The following PPWD1 variants were observed in gnomAD, a reference collection of about 807,000 sequenced individuals.
PPWD1 encodes the protein peptidylprolyl isomerase domain and WD repeat containing 1, also known as peptidylprolyl isomerase domain and WD repeat-containing protein 1.
Under a neutral mutation model 68.8 loss-of-function variants are expected in PPWD1, and 43 were observed. That is an observed-to-expected ratio of 0.62 (90% CI 0.49 to 0.81). PPWD1 has a LOEUF of 0.81. Ranked by LOEUF, PPWD1 falls within the 30% of genes least tolerant of loss-of-function variation. PPWD1 has a pLI of 0.00. For synonymous variants in PPWD1, 232 were observed against 258.7 expected (o/e 0.90, Z 0.99); for missense variants, 672 against 804.8 (o/e 0.83, Z 2.00).
At chr5:65,565,526 G>A (rs999214691) in intron 1 of PPWD1, among the ~76,000 whole-genome samples, 6 of 152,104 alleles carry the variant, frequency 3.9e-5, no homozygotes, top group African/African-American at 1.4e-4. Context: ...ATAGTTGGCC[G>A]GGTGTGGTGG....
At position 65,563,317 on chromosome 5, in the gene PPWD1, G is replaced by C; in HGVS notation, c.7G>C (p.Ala3Pro). The change falls in exon 1 of 11, where the codon GCG becomes CCG. Residue 3 changes from alanine (A) to proline (P), a missense_variant. Ala to Pro is a conservative substitution (Grantham distance 27). Coordinates refer to ENST00000261308, the MANE Select transcript of PPWD1 (RefSeq NM_015342.4). The part of the protein sequence containing the change: MA[A>P]ESGSDFQQRR... ...TTCTGACGATGCGAACAACATGGCG[G>C]CGGAAAGTGGTAGCGATTTTCAGCA... 1.2e-6 allele frequency: 2 copies of C among 1,612,912 alleles called. No homozygotes were observed. The highest frequency in any genetic ancestry group is 8.5e-7 in the Non-Finnish European group (1 of 1,179,488).
chr5:65,586,933 C>T (rs866283633), intron 10 of PPWD1, among the ~76,000 whole-genome samples: 1 of 152,100 alleles, frequency 6.6e-6, no homozygotes, highest in Non-Finnish European at 1.5e-5. Context: ...AAGAGTCCTC[C>T]AGAGACCTTT....
intron 7 of PPWD1, 141 bp from the exon 8 acceptor site, chr5:65,582,897 T>C: frequency 3.5e-6 from 4 of 1,139,508 alleles, no homozygotes; most frequent in South Asian, 4.1e-5. Context: ...ACATCCTGTA[T>C]GGGAAGTGAT....
rs1752835956 is a variant in PPWD1, at chr5:65,567,615, A to G, written c.299A>G (p.Lys100Arg). ...RDVITHVVCT[K>R]TDFIITASHD... Reference sequence around the variant, plus strand: ...GTTATCACCCATGTGGTATGCACCAAGTAAGTCTATCACATCTTTTTTACT... The same window carrying G: ...GTTATCACCCATGTGGTATGCACCAGGTAAGTCTATCACATCTTTTTTACT... The change falls in exon 2 of 11, where the codon AAA becomes AGA. Residue 100 changes from lysine (K) to arginine (R), a missense_variant and splice_region_variant. Coordinates refer to ENST00000261308, the MANE Select transcript of PPWD1 (RefSeq NM_015342.4). 1 of 1,586,192 alleles carries G rather than the reference A, an allele frequency of 6.3e-7. No homozygotes were observed. The highest frequency in any genetic ancestry group is 8.6e-7 in the Non-Finnish European group (1 of 1,165,590).
chr5:65,573,246 T>C (rs1330209405), intron 5 of PPWD1, among the ~76,000 whole-genome samples: 1 of 151,876 alleles, frequency 6.6e-6, no homozygotes, highest in East Asian at 1.9e-4. Flanking sequence ...TCACTTCCCC[T>C]GGAAGGCTTT....
chr5:65,573,458 AAT>A (rs1241209299), intron 5 of PPWD1, among the ~76,000 whole-genome samples: 2 of 75,580 alleles, frequency 2.6e-5, no homozygotes, highest in Admixed American at 1.2e-4. Context: ...ACACTTAGCT[AAT>A]ATATATATAT....
rs376582408 is a variant in PPWD1 at position 65,572,148 on chromosome 5, C to G, written c.831C>G (p.Ala277=). 8 of 1,613,974 alleles carry G rather than the reference C, an allele frequency of 5.0e-6. No individual in the cohort carries two copies. The African/African-American group carries it at 9.3e-5, about 19-fold the overall frequency. The change falls in exon 5 of 11, where the codon GCC becomes GCG. Residue 277 remains alanine (A), a synonymous_variant. Transcript: ENST00000261308. The stretch of plus-strand genomic sequence containing the variant: ...CTGACACTGATTTATATGAATTTGC[C>G]AAGTGTAAGGCTTATCCAACCAGCG... ...YKTDTDLYEF[A]KCKAYPTSVC...
intron 5 of PPWD1, among the ~76,000 whole-genome samples, chr5:65,574,748 C>T (rs1753207060): frequency 6.6e-6 from 1 of 152,174 alleles, no homozygotes; most frequent in South Asian, 2.1e-4. Flanking sequence ...CAGGCGTGAG[C>T]CACCGCGCCC....
At position 65,567,597 on chromosome 5, in the gene PPWD1, C is replaced by G; in HGVS notation, c.281C>G (p.Thr94Ser). The change falls in exon 2 of 11, where the codon ACC (threonine) becomes AGC (serine). Residue 94 changes from threonine (T) to serine (S), a missense_variant. By Grantham distance (58) the Thr-to-Ser change is moderately conservative (BLOSUM62 1). Transcript: ENST00000261308. ...ERSYMHRDVI[T>S]HVVCTKTDFI... Reference sequence around the variant, plus strand: ...AGTTACATGCATAGAGATGTTATCACCCATGTGGTATGCACCAAGTAAGTC... The same window carrying G: ...AGTTACATGCATAGAGATGTTATCAGCCATGTGGTATGCACCAAGTAAGTC... The G allele has an allele frequency of 6.2e-7, 1 of 1,609,750 alleles. No individual in the cohort carries two copies. The highest frequency in any genetic ancestry group is 1.3e-5 in the African/African-American group (1 of 74,784).
At chr5:65,584,956 G>T (rs1231822613) in intron 8 of PPWD1, 58 bp from the exon 9 acceptor site, 3 of 1,568,350 alleles carry the variant, frequency 1.9e-6, no homozygotes, top group African/African-American at 1.4e-5. Context: ...GAACTGCAAA[G>T]AAAACTGTTT....
chr5:65,580,042 T>G (rs1443225429), intron 7 of PPWD1, among the ~76,000 whole-genome samples: 2 of 152,240 alleles, frequency 1.3e-5, no homozygotes, highest in Non-Finnish European at 2.9e-5. Context: ...ATTTTAATGG[T>G]GCTACCTTGG....
Position 65,563,468 on chromosome 5 carries a change from C to T in PPWD1, c.158C>T (p.Pro53Leu). ...DEENEERWVG[P>L]LPVEATLAKK... ...GAGAACGAAGAGCGCTGGGTTGGAC[C>T]TTTACCTGTGGAGGCAACACTGGCC... Residue 53 changes from proline (P) to leucine (L), a missense_variant, in exon 1 of 11, where the codon CCT (proline) becomes CTT (leucine). By Grantham distance (98) the Pro-to-Leu change is moderately conservative (BLOSUM62 -3). Around this residue, in one of 2 missense-constraint regions of PPWD1, gnomAD observed 188 missense variants for 158.6 expected, o/e 1.19. Coordinates refer to ENST00000261308, the MANE Select transcript of PPWD1 (RefSeq NM_015342.4). 1.9e-6 allele frequency: 3 copies of T among 1,613,972 alleles called. No homozygotes were observed. Among genetic ancestry groups the T allele is most frequent in the South Asian group, 2.2e-5 (2 of 91,052 alleles).
At chr5:65,577,732 CT>C (rs1235022383) in intron 6 of PPWD1, among the ~76,000 whole-genome samples, 6 of 152,154 alleles carry the variant, frequency 3.9e-5, no homozygotes, top group Non-Finnish European at 8.8e-5. Context: ...ATAGACCTTA[CT>C]TTTTTGAACA....
chr5:65,584,456 A>G (rs548804600), intron 8 of PPWD1, among the ~76,000 whole-genome samples: 1 of 152,322 alleles, frequency 6.6e-6, no homozygotes, highest in East Asian at 1.9e-4. Context: ...TTTGGCCAAG[A>G]GTATGTCGCT....
chr5:65,576,191 CTTTG>C (rs1611096), intron 5 of PPWD1, among the ~76,000 whole-genome samples: 93,805 of 151,404 alleles, frequency 0.62, 29,288 homozygotes, highest in South Asian at 0.65. Context: ...TTTCTTTATA[CTTTG>C]TTTAATGTTA....
chr5:65,586,836 A>AGCTAG (rs1208350251), intron 10 of PPWD1, among the ~76,000 whole-genome samples: 1 of 152,136 alleles, frequency 6.6e-6, no homozygotes, highest in Non-Finnish European at 1.5e-5. Flanking sequence ...CAAGTAGCCA[A>AGCTAG]GCTAGCATTT....
intron 8 of PPWD1, among the ~76,000 whole-genome samples, chr5:65,584,048 A>G (rs1384904129): frequency 6.6e-6 from 1 of 152,216 alleles, no homozygotes; most frequent in East Asian, 1.9e-4. Flanking sequence ...TTAACATACA[A>G]TGTCAAATAC....
At chr5:65,584,836 ACTT>A (rs1204619135) in intron 8 of PPWD1, 175 bp from the exon 9 acceptor site, 1 of 437,088 alleles carries the variant, frequency 2.3e-6, no homozygotes, top group African/African-American at 2.2e-5. Flanking sequence ...AGAATATACT[ACTT>A]ACATGACCCT....
At chr5:65,577,118 C>A in intron 6 of PPWD1, 49 bp downstream of exon 6, 1 of 1,553,092 alleles carries the variant, frequency 6.4e-7, no homozygotes, top group Non-Finnish European at 8.7e-7. Context: ...TTGTGGGGGA[C>A]CATTTCCTCC....
Sources: gnomAD v4.1 joint callset for allele counts (sites outside exome capture counted in the v4.1 genomes callset) on GRCh38, gnomAD v4.1.1 for gene constraint, gnomAD v4.1.1 regional missense constraint, MANE v1.5 for transcripts, NCBI Gene and HGNC (gene_info 2026-07-23, HGNC 2026-07-21) for gene names.